TBX15: variants seen among roughly 807,000 people sequenced by gnomAD.
The protein encoded by TBX15 is T-box transcription factor TBX15.
In TBX15, 18 loss-of-function variants were observed where a neutral mutation model predicts 53.9. That is an observed-to-expected ratio of 0.33 (90% CI 0.23 to 0.49). The LOEUF (loss-of-function observed/expected upper bound fraction) is 0.49, where lower values mean the gene tolerates loss of function less well. Among genes scored for constraint, TBX15 ranks in the 20% least tolerant of loss-of-function variants. The probability of loss-of-function intolerance (pLI) is 0.98; values close to 1 mark genes in which losing one functional copy is unlikely to be tolerated. For synonymous variants in TBX15, 295 were observed against 278.0 expected (o/e 1.06, Z -0.61); for missense variants, 692 against 749.5 (o/e 0.92, Z 0.90).
At chr1:118,899,000 A>T in intron 7 of TBX15, 28 bp downstream of exon 7, 3 of 1,610,276 alleles carry the variant, frequency 1.9e-6, no homozygotes, top group Non-Finnish European at 2.5e-6. Context: ...CCCTATCACT[A>T]AGCAGAGGCC....
intron 1 of TBX15, among the ~76,000 whole-genome samples, chr1:118,961,433 G>A (rs1026413135): frequency 2.0e-5 from 3 of 152,156 alleles, no homozygotes; most frequent in African/African-American, 7.2e-5. Flanking sequence ...TAGGAATCAG[G>A]CAGCCATCTT....
intron 1 of TBX15, among the ~76,000 whole-genome samples, chr1:118,940,063 T>A (rs574769437): frequency 4.6e-5 from 7 of 152,038 alleles, no homozygotes; most frequent in African/African-American, 1.7e-4. Flanking sequence ...CTGTTGCCCA[T>A]TTTTCAGAAC....
chr1:118,921,630 T>C (rs1655427377), intron 5 of TBX15, among the ~76,000 whole-genome samples: 1 of 152,194 alleles, frequency 6.6e-6, no homozygotes. Flanking sequence ...GGTCTCCAAA[T>C]GTCTAGCCCA....
At position 118,987,579 on chromosome 1, in the gene TBX15, C is replaced by T. The variant is rs1015607716; in HGVS notation, c.205+12G>A. 1.2e-5 allele frequency: 19 copies of T among 1,541,702 alleles called. No homozygotes were observed. The highest frequency in any genetic ancestry group is 1.7e-5 in the Non-Finnish European group (19 of 1,144,476). On this transcript the variant is annotated intron_variant, in intron 1 of 7. Transcript: ENST00000369429. Reference sequence around the variant, plus strand: ...TCCGCCCGCCTCCCGCGGTCGGCTGCGACGCACTCACCCGGGTGAGGCTCC... The same window carrying T: ...TCCGCCCGCCTCCCGCGGTCGGCTGTGACGCACTCACCCGGGTGAGGCTCC...
At chr1:118,971,016 A>C (rs1028198292) in intron 1 of TBX15, among the ~76,000 whole-genome samples, 1 of 152,214 alleles carries the variant, frequency 6.6e-6, no homozygotes, top group African/African-American at 2.4e-5. Flanking sequence ...TCTGTTTAAG[A>C]ACACTAGATA....
At chr1:118,900,009 G>T (rs1654568723) in intron 6 of TBX15, among the ~76,000 whole-genome samples, 2 of 152,118 alleles carry the variant, frequency 1.3e-5, no homozygotes, top group South Asian at 4.1e-4. Flanking sequence ...TGATTATTGA[G>T]ATTATCTCAG....
At chr1:118,913,979 T>C (rs1655107447) in intron 6 of TBX15, 136 bp downstream of exon 6, 1 of 830,452 alleles carries the variant, frequency 1.2e-6, no homozygotes, top group East Asian at 2.6e-5. Flanking sequence ...TAGCTATCCA[T>C]TTCTCTTTGC....
intron 1 of TBX15, among the ~76,000 whole-genome samples, chr1:118,980,732 C>A (rs1301100704): frequency 6.6e-6 from 1 of 152,134 alleles, no homozygotes; most frequent in Non-Finnish European, 1.5e-5. Flanking sequence ...ATACAAATTA[C>A]AAAATTAAAT....
chr1:118,985,905 A>G (rs1336474727), intron 1 of TBX15, among the ~76,000 whole-genome samples: 1 of 152,148 alleles, frequency 6.6e-6, no homozygotes, highest in African/African-American at 2.4e-5. Flanking sequence ...TGCCTCCTGA[A>G]TGGAGCTCAG....
chr1:118,948,195 CG>C (rs1269451705), intron 1 of TBX15, among the ~76,000 whole-genome samples: 1 of 151,986 alleles, frequency 6.6e-6, no homozygotes, highest in African/African-American at 2.4e-5. Flanking sequence ...AAGAGACATA[CG>C]TAGCAACTTT....
chr1:118,933,264 A>G (rs1487110262), intron 1 of TBX15, among the ~76,000 whole-genome samples: 1 of 152,166 alleles, frequency 6.6e-6, no homozygotes, highest in Non-Finnish European at 1.5e-5. Flanking sequence ...TAAAGTGCCC[A>G]CAGGGGAAAA....
intron 1 of TBX15, among the ~76,000 whole-genome samples, chr1:118,983,598 T>G (rs1221718305): frequency 6.6e-6 from 1 of 152,162 alleles, no homozygotes; most frequent in Admixed American, 6.5e-5. Flanking sequence ...ACCAAAAGGG[T>G]GACCTCCGTG....
chr1:118,975,816 GAGA>G (rs1226497768), intron 1 of TBX15, among the ~76,000 whole-genome samples: 1 of 152,214 alleles, frequency 6.6e-6, no homozygotes, highest in African/African-American at 2.4e-5. Context: ...TGGAAAATTG[GAGA>G]AGTATAGTAA....
At chr1:118,967,498 C>G (rs558872295) in intron 1 of TBX15, among the ~76,000 whole-genome samples, 1 of 152,246 alleles carries the variant, frequency 6.6e-6, no homozygotes, top group African/African-American at 2.4e-5. Context: ...GTATGCCTGA[C>G]AAAGATAGCT....
chr1:118,886,483 G>A (rs1251251117), intron 7 of TBX15, among the ~76,000 whole-genome samples: 2 of 152,124 alleles, frequency 1.3e-5, no homozygotes, highest in Non-Finnish European at 1.5e-5. Flanking sequence ...CAGGCATAGA[G>A]GACCTGGCAG....
At chr1:118,948,628 C>T (rs1277397632) in intron 1 of TBX15, among the ~76,000 whole-genome samples, 1 of 152,220 alleles carries the variant, frequency 6.6e-6, no homozygotes, top group East Asian at 1.9e-4. Context: ...CACAGAGTCA[C>T]TGTTGTGGCA....
intron 5 of TBX15, 146 bp downstream of exon 5, chr1:118,923,290 C>G (rs1655482391): frequency 9.7e-7 from 1 of 1,033,646 alleles, no homozygotes; most frequent in African/African-American, 1.6e-5. Context: ...CTGCTGAGAA[C>G]TCTAACACTG....
At chr1:118,911,624 C>T (rs1478131457) in intron 6 of TBX15, among the ~76,000 whole-genome samples, 1 of 152,216 alleles carries the variant, frequency 6.6e-6, no homozygotes, top group Admixed American at 6.5e-5. Flanking sequence ...CTAATTCCTA[C>T]AACATAGATC....
At chr1:118,919,473 G>A (rs1363937898) in intron 5 of TBX15, among the ~76,000 whole-genome samples, 2 of 152,174 alleles carry the variant, frequency 1.3e-5, no homozygotes, top group African/African-American at 2.4e-5. Flanking sequence ...GCAGCCCTAA[G>A]AGTCTATTGG....
Sources: allele counts gnomAD v4.1 joint callset (sites outside exome capture counted in the v4.1 genomes callset), GRCh38; gene constraint gnomAD v4.1.1; transcripts MANE v1.5; gene names NCBI Gene and HGNC (gene_info 2026-07-23, HGNC 2026-07-21).